The following SATB2 variants were observed in gnomAD, a reference collection of about 807,000 sequenced individuals.
The protein encoded by SATB2 is SATB homeobox 2.
SATB2 carries 1 observed loss-of-function variant against 73.4 expected under a neutral mutation model. The observed-to-expected ratio is 0.01, with a 90% CI of 0.00 to 0.06. The LOEUF is 0.06. SATB2 is among the 10% of genes least tolerant of loss of function. The pLI is 1.00. For synonymous variants in SATB2, 397 were observed against 367.0 expected (o/e 1.08, Z -0.93); for missense variants, 459 against 945.8 (o/e 0.49, Z 6.75).
chr2:199,457,000 A>G (rs897183821), intron 1 of SATB2, among the ~76,000 whole-genome samples: 2 of 151,098 alleles, frequency 1.3e-5, no homozygotes, highest in Non-Finnish European at 2.9e-5. Context: ...AAGGAGGGGA[A>G]ACACCTGATG....
At chr2:199,342,365 T>C (rs1398626694) in intron 7 of SATB2, among the ~76,000 whole-genome samples, 1 of 151,696 alleles carries the variant, frequency 6.6e-6, no homozygotes, top group Non-Finnish European at 1.5e-5. Context: ...CTGGGTCTCA[T>C]TTGCCATAAA....
At chr2:199,384,452 C>G (rs1483505921) in intron 3 of SATB2, among the ~76,000 whole-genome samples, 2 of 152,224 alleles carry the variant, frequency 1.3e-5, no homozygotes, top group African/African-American at 4.8e-5. Flanking sequence ...CAGGTAGAGG[C>G]TTGGAGTAAC....
intron 2 of SATB2, among the ~76,000 whole-genome samples, chr2:199,440,868 T>C (rs1215571475): frequency 7.7e-6 from 1 of 130,278 alleles, no homozygotes; most frequent in East Asian, 2.2e-4. Flanking sequence ...TTTTTTTTTT[T>C]AGATGGAATT....
intron 3 of SATB2, among the ~76,000 whole-genome samples, chr2:199,411,932 G>A (rs1023818593): frequency 6.6e-6 from 1 of 152,206 alleles, no homozygotes; most frequent in South Asian, 2.1e-4. Context: ...TGAATCTTAA[G>A]TTTCTCAGGT....
intron 7 of SATB2, among the ~76,000 whole-genome samples, chr2:199,331,636 T>A (rs1688193416): frequency 1.3e-5 from 2 of 152,166 alleles, no homozygotes; most frequent in Admixed American, 1.3e-4. Context: ...TTTTGTTGAG[T>A]CTTTTTCATT....
chr2:199,374,654 C>T (rs1689544365), intron 5 of SATB2, among the ~76,000 whole-genome samples: 1 of 152,158 alleles, frequency 6.6e-6, no homozygotes, highest in Admixed American at 6.5e-5. Context: ...CATGCACTTG[C>T]AAATTGTTCT....
chr2:199,425,661 T>C (rs1185880733), intron 3 of SATB2, among the ~76,000 whole-genome samples: 1 of 152,132 alleles, frequency 6.6e-6, no homozygotes, highest in African/African-American at 2.4e-5. Context: ...AATATTTCCA[T>C]CAGCTGACCT....
chr2:199,270,026 T>G lies in SATB2; in HGVS notation c.*2185A>C, dbSNP rs1692106922. On this transcript the variant is annotated 3_prime_UTR_variant, in exon 11 of 11. Transcript: ENST00000417098. Reference sequence around the variant, plus strand: ...AGAGCTTGGCAAAATCAGTTTCCATTACGTGTACAGAGTGACCTTCAGCAA... The same window carrying G: ...AGAGCTTGGCAAAATCAGTTTCCATGACGTGTACAGAGTGACCTTCAGCAA... The G allele has an allele frequency of 6.5e-6, 1 of 152,746 alleles. No homozygotes were observed. The highest frequency in any genetic ancestry group is 1.5e-5 in the Non-Finnish European group (1 of 68,040). 9.5% of individuals were successfully genotyped at this position (152,746 alleles called of 1,614,324 possible). A position where few individuals can be genotyped will look rare whatever the true frequency, so the allele number is the denominator to read the frequency against.
chr2:199,276,251 T>A (rs1336364370), intron 10 of SATB2, among the ~76,000 whole-genome samples: 1 of 152,234 alleles, frequency 6.6e-6, no homozygotes, highest in Non-Finnish European at 1.5e-5. Context: ...AATCAAGTCA[T>A]CTTTTCTTCA....
intron 3 of SATB2, among the ~76,000 whole-genome samples, chr2:199,413,526 G>C (rs1690883000): frequency 6.6e-6 from 1 of 151,102 alleles, no homozygotes; most frequent in African/African-American, 2.4e-5. Flanking sequence ...ATAAGCTGTG[G>C]CCAACAGTGC....
intron 6 of SATB2, among the ~76,000 whole-genome samples, chr2:199,349,755 A>G (rs2105824468): frequency 1.3e-5 from 2 of 152,304 alleles, no homozygotes; most frequent in South Asian, 2.1e-4. Context: ...TATTTTAAAC[A>G]TTGTGCTATG....
intron 6 of SATB2, among the ~76,000 whole-genome samples, chr2:199,364,629 C>T (rs1235626247): frequency 4.6e-5 from 7 of 152,078 alleles, no homozygotes; most frequent in Admixed American, 4.6e-4. Context: ...TCCACTCATT[C>T]TAATGGTATT....
chr2:199,385,439 T>A (rs1689903304), intron 3 of SATB2, among the ~76,000 whole-genome samples: 1 of 151,988 alleles, frequency 6.6e-6, no homozygotes, highest in African/African-American at 2.4e-5. Flanking sequence ...CACCTAGCCC[T>A]CCCCTACTTT....
intron 10 of SATB2, among the ~76,000 whole-genome samples, chr2:199,284,544 C>G (rs894685196): frequency 6.6e-6 from 1 of 152,120 alleles, no homozygotes; most frequent in Non-Finnish European, 1.5e-5. Flanking sequence ...TCAACCAAAA[C>G]CACATATTGT....
At chr2:199,313,378 C>T (rs1473701838) in intron 9 of SATB2, among the ~76,000 whole-genome samples, 1 of 152,122 alleles carries the variant, frequency 6.6e-6, no homozygotes, top group Non-Finnish European at 1.5e-5. Flanking sequence ...CCTTCAAAAT[C>T]TGAATCCAGA....
chr2:199,288,913 G>A (rs1042389674), intron 10 of SATB2, among the ~76,000 whole-genome samples: 3 of 152,150 alleles, frequency 2.0e-5, no homozygotes, highest in East Asian at 1.9e-4. Context: ...TCTAGGGAGA[G>A]GCAGCAAAGA....
At chr2:199,380,054 T>C (rs1574566458) in intron 5 of SATB2, among the ~76,000 whole-genome samples, 2 of 151,908 alleles carry the variant, frequency 1.3e-5, no homozygotes, top group Non-Finnish European at 2.9e-5. Context: ...CAGCTAACTT[T>C]TGTATTCTTT....
intron 9 of SATB2, among the ~76,000 whole-genome samples, chr2:199,321,255 T>G (rs1289217472): frequency 6.6e-6 from 1 of 151,948 alleles, no homozygotes; most frequent in Non-Finnish European, 1.5e-5. Context: ...ATGACTAAGA[T>G]ATATATATCC....
In SATB2 at chr2:199,455,887, C is replaced by T. The variant is rs540871216; in HGVS notation, c.151G>A (p.Val51Met). 132 of 1,537,548 alleles carry T rather than the reference C, an allele frequency of 8.6e-5. 2 individuals are homozygous for T. In the South Asian group the frequency reaches 1.5e-3, roughly 17 times the overall value. The change falls in exon 2 of 11, where the codon GTG (valine) becomes ATG (methionine). Residue 51 changes from valine (V) to methionine (M), a missense_variant. Physicochemically the swap from Val to Met is conservative, Grantham distance 21. Coordinates refer to ENST00000417098, the MANE Select transcript of SATB2 (RefSeq NM_001172509.2). This position sits in a 1 kb window ranked among gnomAD's most constrained non-coding sequence, Gnocchi z 4.1. ...MGARGRPNGA[V>M]AKAVGGLMIP... ...CTGTTACCTCCCACGGCCTTGGCCA[C>T]GGCGCCGTTGGGCCTCCCGCGGGCT... is the stretch of plus-strand genomic sequence containing the variant.
Sources: allele counts gnomAD v4.1 joint callset (sites outside exome capture counted in the v4.1 genomes callset), GRCh38; gene constraint gnomAD v4.1.1; non-coding constraint Gnocchi (gnomAD v3.1); transcripts MANE v1.5; gene names NCBI Gene and HGNC (gene_info 2026-07-23, HGNC 2026-07-21).